Variants in LRBA observed in about 807,000 individuals in gnomAD.
LRBA encodes lipopolysaccharide-responsive and beige-like anchor protein.
A neutral mutation model predicts 330.0 loss-of-function variants in LRBA; 176 were observed. The ratio of observed to expected loss-of-function variants is 0.53; its 90% CI spans 0.47 to 0.60. The LOEUF (loss-of-function observed/expected upper bound fraction) is 0.60. LRBA is among the 20% of genes least tolerant of loss of function. The probability of loss-of-function intolerance (pLI) is 0.00; values close to 1 mark genes in which losing one functional copy is unlikely to be tolerated. For synonymous variants in LRBA, 1,230 were observed against 1,193.0 expected (o/e 1.03, Z -0.64); for missense variants, 3,259 against 3,444.8 (o/e 0.95, Z 1.35).
Position 150,598,389 on chromosome 4 carries a change from C to G in LRBA, c.6046+618G>C, listed in dbSNP as rs367754745. 2.6e-4 allele frequency among the ~76,000 whole-genome samples: 39 copies of G among 152,180 alleles called. No homozygotes were observed. The East Asian group carries it at 2.7e-3, about 11-fold the overall frequency. On this transcript the variant is annotated intron_variant, in intron 38 of 56. Coordinates refer to ENST00000651943, the MANE Select transcript of LRBA (RefSeq NM_001364905.1). ...TATAAGACTTTTACCTAAACTGAAT[C>G]ATAGTCATATGCATTGTATCAAAAA...
intron 40 of LRBA, among the ~76,000 whole-genome samples, chr4:150,573,129 A>G (rs1172774804): frequency 6.6e-6 from 1 of 152,114 alleles, no homozygotes; most frequent in African/African-American, 2.4e-5. Context: ...GACTAGCTGA[A>G]CACACCATTG....
chr4:150,887,573 C>G (rs1720197842), intron 17 of LRBA, among the ~76,000 whole-genome samples: 1 of 151,874 alleles, frequency 6.6e-6, no homozygotes, highest in African/African-American at 2.4e-5. Context: ...TCGAGACCAT[C>G]CTGGCTAATA....
intron 34 of LRBA, among the ~76,000 whole-genome samples, chr4:150,769,698 CT>C (rs1470507008): frequency 2.0e-5 from 3 of 152,158 alleles, no homozygotes; most frequent in Non-Finnish European, 4.4e-5. Context: ...AGAAAAGACT[CT>C]CACAGATACA....
At chr4:150,808,255 C>T in intron 32 of LRBA, 65 bp downstream of exon 32, 2 of 1,010,356 alleles carry the variant, frequency 2.0e-6, no homozygotes, top group Non-Finnish European at 3.1e-6. Flanking sequence ...GTAAAATAAA[C>T]CTAGATAGCT....
At chr4:150,759,422 A>C (rs1734762491) in intron 35 of LRBA, among the ~76,000 whole-genome samples, 1 of 152,094 alleles carries the variant, frequency 6.6e-6, no homozygotes, top group Non-Finnish European at 1.5e-5. Context: ...TACACCACAG[A>C]AGCTCTCACT....
intron 40 of LRBA, among the ~76,000 whole-genome samples, chr4:150,509,927 T>A (rs1228816005): frequency 6.6e-6 from 1 of 152,140 alleles, no homozygotes; most frequent in Non-Finnish European, 1.5e-5. Flanking sequence ...ACTTGAAGTC[T>A]GGAGTTCGAG....
At chr4:150,925,093 G>C (rs1733740784) in intron 4 of LRBA, among the ~76,000 whole-genome samples, 1 of 151,594 alleles carries the variant, frequency 6.6e-6, no homozygotes, top group Non-Finnish European at 1.5e-5. Context: ...TTGATACCAG[G>C]AAGCTGAGAA....
chr4:150,459,845 A>G (rs995576254), intron 44 of LRBA, among the ~76,000 whole-genome samples: 1 of 151,928 alleles, frequency 6.6e-6, no homozygotes, highest in Non-Finnish European at 1.5e-5. Flanking sequence ...CCAAAACATA[A>G]TCAAGTATGG....
chr4:150,687,311 TTGTG>T (rs1200244410), intron 36 of LRBA, among the ~76,000 whole-genome samples: 1 of 152,110 alleles, frequency 6.6e-6, no homozygotes, highest in Non-Finnish European at 1.5e-5. Flanking sequence ...GTATACATAT[TTGTG>T]TATGTATGTA....
intron 2 of LRBA, among the ~76,000 whole-genome samples, chr4:150,931,706 A>C (rs1419876276): frequency 2.0e-5 from 3 of 151,966 alleles, no homozygotes; most frequent in Non-Finnish European, 4.4e-5. Context: ...GTTCAAGACT[A>C]AAGTGAGATC....
chr4:150,640,612 C>T lies in LRBA; in HGVS notation c.5922-41481G>A, dbSNP rs113408716. Among the ~76,000 whole-genome samples, 188 of 152,202 alleles carry T rather than the reference C, an allele frequency of 1.2e-3. 3 individuals are homozygous for T. Among genetic ancestry groups the T allele is most frequent in the African/African-American group, 4.4e-3 (184 of 41,516 alleles). ...AATTTCAGAGGGTGAAGAACTATAG[C>T]ATTACATTATGCTACCTCCTAAATA... On this transcript the variant is annotated intron_variant, in intron 37 of 56. Transcript: ENST00000651943.
intron 30 of LRBA, among the ~76,000 whole-genome samples, chr4:150,826,785 T>C (rs1746345356): frequency 6.6e-6 from 1 of 152,110 alleles, no homozygotes; most frequent in Non-Finnish European, 1.5e-5. Flanking sequence ...TCATTACACA[T>C]GGCATTCTTA....
Position 150,492,176 on chromosome 4 carries a change from A to G in LRBA, c.6331-1141T>C, listed in dbSNP as rs958542760. Among the ~76,000 whole-genome samples, 3 of 26,644 alleles carry G rather than the reference A, an allele frequency of 1.1e-4. No individual in the cohort carries two copies. In the Admixed American group the frequency reaches 2.0e-3, roughly 18 times the overall value. The allele number at this position is 26,644 out of a possible 152,430, so 17.5% of individuals were successfully genotyped here. A position where few individuals can be genotyped will look rare whatever the true frequency, so the allele number is the denominator to read the frequency against. ...TCCAGTGCAGAATGTAGTTTTTTTG[A>G]AAAAAAAAAAAAAGAGTAACAAACC... On this transcript the variant is annotated intron_variant, in intron 40 of 56. Transcript: ENST00000651943.
At chr4:150,796,512 T>C (rs1740811353) in intron 34 of LRBA, among the ~76,000 whole-genome samples, 1 of 151,972 alleles carries the variant, frequency 6.6e-6, no homozygotes, top group African/African-American at 2.4e-5. Flanking sequence ...CTTGACAATT[T>C]CTGACTTGAA....
intron 37 of LRBA, among the ~76,000 whole-genome samples, chr4:150,629,222 G>A (rs1202966085): frequency 6.6e-6 from 1 of 152,166 alleles, no homozygotes; most frequent in African/African-American, 2.4e-5. Flanking sequence ...AATGTAATGG[G>A]TTAAGGAAGT....
Position 151,014,523 on chromosome 4 carries a change from G to C in LRBA, c.120C>G (p.Pro40=), listed in dbSNP as rs759813645. ...GGALSLKPGL[P]IRGIRMKFAV... ...CAAATTTCATTCTGATGCCCCTGAT[G>C]GGGAGCCCTGGTTTCAGAGACAATG... Residue 40 remains proline (P), a synonymous_variant, in exon 2 of 57, where the codon CCC becomes CCG. Transcript: ENST00000651943. 1.2e-6 allele frequency: 2 copies of C among 1,614,100 alleles called. No homozygotes were observed. The highest frequency in any genetic ancestry group is 1.7e-6 in the Non-Finnish European group (2 of 1,180,002).
intron 2 of LRBA, among the ~76,000 whole-genome samples, chr4:150,934,661 C>CA (rs1734885197): frequency 6.6e-6 from 1 of 152,092 alleles, no homozygotes; most frequent in Admixed American, 6.6e-5. Context: ...CACCTGAGGT[C>CA]AGTAGTTCCG....
At chr4:150,579,613 G>A (rs1209597772) in intron 40 of LRBA, 4 of 455,534 alleles carry the variant, frequency 8.8e-6, no homozygotes, top group Non-Finnish European at 1.8e-5. Context: ...GTGGAGAAGC[G>A]TAGGGGCAAG....
At chr4:150,359,903 C>A (rs750908963) in intron 47 of LRBA, among the ~76,000 whole-genome samples, 16 of 151,828 alleles carry the variant, frequency 1.1e-4, no homozygotes, top group Non-Finnish European at 2.2e-4. Flanking sequence ...TCTCTTGAAT[C>A]CGGGAGGTGG....
Sources: allele counts gnomAD v4.1 joint callset (sites outside exome capture counted in the v4.1 genomes callset), GRCh38; gene constraint gnomAD v4.1.1; transcripts MANE v1.5; gene names NCBI Gene and HGNC (gene_info 2026-07-23, HGNC 2026-07-21).